Variants in ESPL1 observed in about 807,000 individuals in gnomAD.
ESPL1 encodes extra spindle pole bodies like 1, separase, also known as separin.
ESPL1 carries 50 observed loss-of-function variants against 217.2 expected under a neutral mutation model. That is an observed-to-expected ratio of 0.23 (90% CI 0.18 to 0.29). ESPL1 has a LOEUF of 0.29. Among genes scored for constraint, ESPL1 ranks in the 10% least tolerant of loss-of-function variants. The pLI is 1.00. For synonymous variants in ESPL1, 994 were observed against 1,081.3 expected, an observed-to-expected ratio of 0.92 and a Z score of 1.58; for missense variants, 1,834 against 2,603.0, an observed-to-expected ratio of 0.70 and a Z score of 6.43.
At position 53,288,514 on chromosome 12, in the gene ESPL1, G is replaced by C. The variant is rs772131578; in HGVS notation, c.4547-24G>C. 1.2e-5 allele frequency: 19 copies of C among 1,595,730 alleles called. No individual in the cohort carries two copies. The Middle Eastern group carries it at 5.0e-4, about 42-fold the overall frequency. On this transcript the variant is annotated intron_variant, in intron 19 of 30. Transcript: ENST00000257934. ...GAATGGCAGGGGGAGGGAGCACTGT[G>C]AAAAAGGCCTGCTCTCTCCCCAGGT...
Position 53,269,629 on chromosome 12 carries a change from C to A in ESPL1, c.687C>A (p.Ile229=). The A allele has an allele frequency of 6.2e-7, 1 of 1,614,246 alleles. No homozygotes were observed. The highest frequency in any genetic ancestry group is 1.1e-5 in the South Asian group (1 of 91,090). ...ATGACCTGCTCTCCAGGCACGTGATCAGAGCCTTGGTGGGTGAGAGAGGGA... is the reference window on the plus strand; with the variant it reads ...ATGACCTGCTCTCCAGGCACGTGATAAGAGCCTTGGTGGGTGAGAGAGGGA... ...FLDDLLSRHV[I]RALVGERGSS... Residue 229 remains isoleucine (I), a synonymous_variant, in exon 3 of 31, where the codon ATC becomes ATA. Transcript: ENST00000257934. The surrounding 1 kb of genome is among the most constrained non-coding windows in gnomAD (Gnocchi z 6.7).
rs1309824711 is a variant in ESPL1 at position 53,288,251 on chromosome 12, A to G, written c.4456A>G (p.Arg1486Gly). The G allele has an allele frequency of 1.9e-6, 3 of 1,608,836 alleles. No homozygotes were observed. The highest frequency in any genetic ancestry group is 2.2e-5 in the South Asian group (2 of 90,272). ...GGCCAGGCCTGGCCCTGAGATCATG[A>G]GGACCATCCCTGAGGAAGAACTGAC... ...DQARPGPEIM[R>G]TIPEEELTDN... is the part of the protein sequence containing the mutation. The change falls in exon 19 of 31, where the codon AGG becomes GGG. Residue 1486 changes from arginine (R) to glycine (G), a missense_variant. Transcript: ENST00000257934.
Position 53,269,522 on chromosome 12 carries a change from A to G in ESPL1, c.580A>G (p.Thr194Ala). 6.2e-7 allele frequency: 1 copy of G among 1,614,172 alleles called. No homozygotes were observed. The highest frequency in any genetic ancestry group is 8.5e-7 in the Non-Finnish European group (1 of 1,180,036). The stretch of plus-strand genomic sequence containing the variant: ...TGAGGTTCCTCACTTTGCTTCTCCA[A>G]CAGCCTGTCGAGCGGTAGCTGCCCA... ...PCEVPHFASP[T>A]ACRAVAAHQL... Residue 194 changes from threonine (T) to alanine (A), a missense_variant, in exon 3 of 31, where the codon ACA (threonine) becomes GCA (alanine). Physicochemically the swap from Thr to Ala is moderately conservative, Grantham distance 58. Transcript: ENST00000257934. This position sits in a 1 kb window ranked among gnomAD's most constrained non-coding sequence, Gnocchi z 6.7.
Position 53,292,890 on chromosome 12 carries a change from T to C in ESPL1, c.6081T>C (p.Phe2027=). 1 of 1,613,754 alleles carries C rather than the reference T, an allele frequency of 6.2e-7. No homozygotes were observed. The highest frequency in any genetic ancestry group is 8.5e-7 in the Non-Finnish European group (1 of 1,180,014). ...RLSCRAVALL[F]GCSSAALAVR... ...GCTGTCGGGCAGTGGCCCTGCTGTT[T>C]GGCTGTAGCAGTGCGGCCCTGGCTG... Residue 2027 remains phenylalanine, a synonymous_variant, in exon 30 of 31, where the codon TTT becomes TTC. Coordinates refer to ENST00000257934, the MANE Select transcript of ESPL1 (RefSeq NM_012291.5). The surrounding 1 kb of genome is among the most constrained non-coding windows in gnomAD (Gnocchi z 4.5).
chr12:53,283,146 A>G lies in ESPL1; in HGVS notation c.2809A>G (p.Ile937Val), dbSNP rs746647343. Residue 937 changes from isoleucine (I) to valine (V), a missense_variant, in exon 15 of 31, where the codon ATA becomes GTA. Physicochemically the swap from Ile to Val is conservative, Grantham distance 29. Transcript: ENST00000257934. ...CACCACAGGCTGGCAGACACCTGAGATAGCTCTCATAGACTCCCATAAGCT... is the reference window on the plus strand; with the variant it reads ...CACCACAGGCTGGCAGACACCTGAGGTAGCTCTCATAGACTCCCATAAGCT... ...LCAQGWQTPEIALIDSHKLLR... is the reference protein window; with the variant it reads ...LCAQGWQTPEVALIDSHKLLR... 1 of 1,614,218 alleles carries G rather than the reference A, an allele frequency of 6.2e-7. No homozygotes were observed. Among genetic ancestry groups the G allele is most frequent in the Admixed American group, 1.7e-5 (1 of 60,020 alleles).
rs1210765857 is a variant in ESPL1, at chr12:53,282,536, C to T, written c.2791+101C>T. The stretch of plus-strand genomic sequence containing the variant: ...TCCCCTCTGCTGGCTAACTATGTGG[C>T]CCAGCCTACCTAGAACCTGCACAGA... On this transcript the variant is annotated intron_variant, in intron 14 of 30. Coordinates refer to ENST00000257934, the MANE Select transcript of ESPL1 (RefSeq NM_012291.5). This position sits in a 1 kb window ranked among gnomAD's most constrained non-coding sequence, Gnocchi z 4.0. The T allele has an allele frequency of 5.5e-6, 6 of 1,099,034 alleles. No individual in the cohort carries two copies. Among genetic ancestry groups the T allele is most frequent in the African/African-American group, 4.7e-5 (3 of 64,510 alleles). 68.1% of individuals were successfully genotyped at this position (1,099,034 alleles called of 1,614,324 possible). A position where few individuals can be genotyped will look rare whatever the true frequency, so the allele number is the denominator to read the frequency against.
chr12:53,288,930 TGTTA>T (rs1944005482), intron 20 of ESPL1, 156 bp from the exon 21 acceptor site: 1 of 715,546 alleles, frequency 1.4e-6, no homozygotes, highest in Non-Finnish European at 2.4e-6. Context: ...AGTTGATGCC[TGTTA>T]GTTGCATGGC....
At chr12:53,290,303 G>T in intron 23 of ESPL1, 44 bp from the exon 24 acceptor site, 1 of 1,610,444 alleles carries the variant, frequency 6.2e-7, no homozygotes, top group South Asian at 1.1e-5. Flanking sequence ...GAGAGATGGT[G>T]ATCACGTGGA....
rs61760168 is a variant in ESPL1 at position 53,276,779 on chromosome 12, C to A, written c.1860C>A (p.Ala620=). The part of the protein sequence containing the change: ...LLELSPEETP[A]GAWARATHLV... ...AGCTGAGCCCCGAGGAGACACCAGC[C>A]GGGGCCTGGGCACGAGCCACCCACC... The change falls in exon 8 of 31, where the codon GCC becomes GCA. Residue 620 remains alanine (A), a synonymous_variant. Transcript: ENST00000257934. The A allele has an allele frequency of 2.2e-3, 3,519 of 1,613,916 alleles. 9 individuals are homozygous for A. Among genetic ancestry groups the A allele is most frequent in the Non-Finnish European group, 2.8e-3 (3,275 of 1,180,032 alleles).
rs998461860 is a variant in ESPL1, at chr12:53,289,474, C to A, written c.4993C>A (p.Pro1665Thr). 2 of 1,614,154 alleles carry A rather than the reference C, an allele frequency of 1.2e-6. No homozygotes were observed. The highest frequency in any genetic ancestry group is 1.7e-6 in the Non-Finnish European group (2 of 1,180,004). Residue 1665 changes from proline to threonine, a missense_variant, in exon 22 of 31, where the codon CCT becomes ACT. Pro to Thr is a conservative substitution (Grantham distance 38). Around this residue, in one of 5 missense-constraint regions of ESPL1, gnomAD observed 681 missense variants for 808.0 expected, o/e 0.84. Coordinates refer to ENST00000257934, the MANE Select transcript of ESPL1 (RefSeq NM_012291.5). ...QLQGLSLQEM[P>T]GDVPLARIQR... is the part of the protein sequence containing the mutation. ...GCAGGGGCTGAGCCTTCAGGAGATG[C>A]CTGGAGATGTCCCCCTGGCCCGCAT...
chr12:53,279,685 G>C (rs959916572), intron 11 of ESPL1, 47 bp from the exon 12 acceptor site: 1 of 1,612,658 alleles, frequency 6.2e-7, no homozygotes, highest in Non-Finnish European at 8.5e-7. Context: ...GGTAGAAATA[G>C]AGGCTTGAGC....
chr12:53,283,104 C>T, intron 14 of ESPL1, 25 bp from the exon 15 acceptor site: 1 of 1,613,862 alleles, frequency 6.2e-7, no homozygotes, highest in East Asian at 2.2e-5. Flanking sequence ...TGCATCTTCT[C>T]CCTTTTTCAC....
chr12:53,268,759 C>G lies in ESPL1; in HGVS notation c.-8C>G. On this transcript the variant is annotated 5_prime_UTR_variant, in exon 2 of 31. Coordinates refer to ENST00000257934, the MANE Select transcript of ESPL1 (RefSeq NM_012291.5). Reference sequence around the variant, plus strand: ...AATTGGTCTCCTTTTCCCTAGCTCTCCGGTGTCATGAGGAGCTTCAAAAGA... The same window carrying G: ...AATTGGTCTCCTTTTCCCTAGCTCTGCGGTGTCATGAGGAGCTTCAAAAGA... The G allele has an allele frequency of 2.5e-6, 4 of 1,601,742 alleles. No homozygotes were observed. The highest frequency in any genetic ancestry group is 3.4e-6 in the Non-Finnish European group (4 of 1,170,896).
chr12:53,290,398 A>T lies in ESPL1; in HGVS notation c.5293A>T (p.Lys1765Ter). 1 of 1,613,480 alleles carries T rather than the reference A, an allele frequency of 6.2e-7. No individual in the cohort carries two copies. Among genetic ancestry groups the T allele is most frequent in the Non-Finnish European group, 8.5e-7 (1 of 1,179,992 alleles). Residue 1765 changes from lysine to a stop codon, truncating the protein, a stop_gained, in exon 24 of 31, where the codon AAA becomes TAA. Transcript: ENST00000257934. LOFTEE classifies it high-confidence loss of function. The stretch of plus-strand genomic sequence containing the variant: ...GTTTGATGCCATCCAGAAGGCACAG[A>T]AAGAGAACAGCAGCTGTACTGACAA... ...NEFDAIQKAQ[K>*]ENSSCTDKRE...
At position 53,277,701 on chromosome 12, in the gene ESPL1, G is replaced by A. The variant is rs1409653170; in HGVS notation, c.2224+93G>A. 1.3e-5 allele frequency: 21 copies of A among 1,574,130 alleles called. No homozygotes were observed. The East Asian group carries it at 4.7e-4, about 35-fold the overall frequency. ...GTGAGGGAAACCCTGACCTTGTAGG[G>A]TAGGAGGTTGTGGAAGCAGTGGGAG... On this transcript the variant is annotated intron_variant, in intron 10 of 30. Transcript: ENST00000257934.
intron 3 of ESPL1, 134 bp from the exon 4 acceptor site, chr12:53,270,244 G>T: frequency 1.1e-6 from 1 of 927,082 alleles, no homozygotes; most frequent in South Asian, 1.4e-5. Flanking sequence ...TATCCTGAGA[G>T]GGCAGTGGCC....
rs774296952 is a variant in ESPL1 at position 53,287,969 on chromosome 12, C to T, written c.4177-3C>T. 1.9e-6 allele frequency: 3 copies of T among 1,592,376 alleles called. No homozygotes were observed. In the East Asian group the frequency reaches 6.7e-5, roughly 36 times the overall value. The stretch of plus-strand genomic sequence containing the variant: ...GCCCTTCACCCTTTCACTCTGATCT[C>T]AGGTGAACTTCAGTGATGACAGTGA... On this transcript the variant is annotated splice_region_variant and splice_polypyrimidine_tract_variant and intron_variant, in intron 18 of 30. Coordinates refer to ENST00000257934, the MANE Select transcript of ESPL1 (RefSeq NM_012291.5).
At chr12:53,289,382 C>A in intron 21 of ESPL1, 22 bp from the exon 22 acceptor site, 1 of 1,611,314 alleles carries the variant, frequency 6.2e-7, no homozygotes, top group Non-Finnish European at 8.5e-7. Flanking sequence ...TGGGACCTCA[C>A]CCCTCCCCGT....
Position 53,288,145 on chromosome 12 carries a change from C to T in ESPL1, c.4350C>T (p.Gly1450=). 1.9e-6 allele frequency: 3 copies of T among 1,613,576 alleles called. No homozygotes were observed. The highest frequency in any genetic ancestry group is 2.5e-6 in the Non-Finnish European group (3 of 1,179,898). ...VAPGSAPGNP[G]LNGRSRRAKK... is the part of the protein sequence containing the mutation. ...CAGGTAGTGCCCCTGGGAACCCTGG[C>T]CTGAATGGCAGGAGCCGGAGGGCCA... The change falls in exon 19 of 31, where the codon GGC becomes GGT. Residue 1450 remains glycine, a synonymous_variant. Transcript: ENST00000257934.
Sources: gnomAD v4.1 joint callset for allele counts on GRCh38, gnomAD v4.1.1 for gene constraint, gnomAD v4.1.1 regional missense constraint, Gnocchi (gnomAD v3.1) non-coding constraint, MANE v1.5 for transcripts, NCBI Gene and HGNC (gene_info 2026-07-23, HGNC 2026-07-21) for gene names.